The following PINX1 variants were observed in gnomAD, a reference collection of about 807,000 sequenced individuals.
The protein encoded by PINX1 is PIN2/TERF1-interacting telomerase inhibitor 1.
PINX1 carries 34 observed loss-of-function variants against 25.4 expected under a neutral mutation model. The ratio of observed to expected loss-of-function variants is 1.34; its 90% CI spans 1.02 to 1.78. The LOEUF (loss-of-function observed/expected upper bound fraction) is 1.78. Among genes scored for constraint, PINX1 ranks in the 40% most tolerant of loss-of-function variants. The pLI, the probability that PINX1 is intolerant of heterozygous loss-of-function variation, is 0.00. For synonymous variants in PINX1, 197 were observed against 147.7 expected, an observed-to-expected ratio of 1.33 and a Z score of -2.42; for missense variants, 592 against 404.9, an observed-to-expected ratio of 1.46 and a Z score of -3.97.
intron 6 of PINX1, among the ~76,000 whole-genome samples, chr8:10,769,218 T>C (rs1253795949): frequency 6.6e-6 from 1 of 152,184 alleles, no homozygotes; most frequent in South Asian, 2.1e-4. Context: ...ATTCCAATGC[T>C]TGCTGTTCAG....
At chr8:10,776,726 G>C (rs902078741) in intron 6 of PINX1, among the ~76,000 whole-genome samples, 2 of 152,102 alleles carry the variant, frequency 1.3e-5, no homozygotes, top group African/African-American at 4.8e-5. Flanking sequence ...ACGAGGAAGG[G>C]GAAGCAAGGG....
At chr8:10,787,077 C>G (rs991783882) in intron 6 of PINX1, among the ~76,000 whole-genome samples, 1 of 152,016 alleles carries the variant, frequency 6.6e-6, no homozygotes, top group Non-Finnish European at 1.5e-5. Context: ...CCAATTTTTC[C>G]CATGAGCTCT....
At chr8:10,770,058 T>C (rs889180247) in intron 6 of PINX1, among the ~76,000 whole-genome samples, 31 of 152,262 alleles carry the variant, frequency 2.0e-4, no homozygotes, top group African/African-American at 7.0e-4. Flanking sequence ...AAGAGTTTTA[T>C]AATTTATCAA....
Position 10,765,258 on chromosome 8 carries a change from G to T in PINX1, c.*143C>A. The stretch of plus-strand genomic sequence containing the variant: ...TAACTTGGGGGAAATGTGGCGAGAG[G>T]GCAGGACTCGGCAGCCCATGGGCAT... On this transcript the variant is annotated 3_prime_UTR_variant, in exon 7 of 7. Transcript: ENST00000314787. 1.5e-6 allele frequency: 1 copy of T among 669,424 alleles called. No homozygotes were observed. The highest frequency in any genetic ancestry group is 2.3e-5 in the South Asian group (1 of 44,356). The allele number at this position is 669,424 out of a possible 1,614,324, so 41.5% of individuals were successfully genotyped here. A position where few individuals can be genotyped will look rare whatever the true frequency, so the allele number is the denominator to read the frequency against.
chr8:10,784,984 A>G (rs1801701863), intron 6 of PINX1, among the ~76,000 whole-genome samples: 1 of 152,242 alleles, frequency 6.6e-6, no homozygotes, highest in Non-Finnish European at 1.5e-5. Flanking sequence ...TCAGAAAAGA[A>G]TTAACAGAAC....
intron 6 of PINX1, among the ~76,000 whole-genome samples, chr8:10,817,246 T>C (rs1797726238): frequency 6.6e-6 from 1 of 152,146 alleles, no homozygotes; most frequent in Non-Finnish European, 1.5e-5. Context: ...CAGCAACACC[T>C]TGGCCTCTGC....
intron 6 of PINX1, among the ~76,000 whole-genome samples, chr8:10,810,151 C>A (rs891212537): frequency 6.6e-6 from 1 of 152,200 alleles, no homozygotes; most frequent in African/African-American, 2.4e-5. Flanking sequence ...AACACAAACA[C>A]CTCCCACCAG....
At chr8:10,821,677 A>G (rs73208789) in intron 5 of PINX1, among the ~76,000 whole-genome samples, 25,691 of 152,272 alleles carry the variant, frequency 0.17, 2,590 homozygotes, top group Non-Finnish European at 0.23. Context: ...ATGTCCTCAC[A>G]GCTTTGCTGC....
chr8:10,775,986 G>A (rs1801380424), intron 6 of PINX1, among the ~76,000 whole-genome samples: 1 of 152,126 alleles, frequency 6.6e-6, no homozygotes, highest in Non-Finnish European at 1.5e-5. Context: ...CCTTGTAAAA[G>A]CCCCTGGGGA....
At chr8:10,819,827 G>A (rs1262620593) in intron 6 of PINX1, among the ~76,000 whole-genome samples, 2 of 152,134 alleles carry the variant, frequency 1.3e-5, no homozygotes, top group Admixed American at 1.3e-4. Context: ...TCCAAGTGGA[G>A]TAATGCAGTT....
chr8:10,787,510 G>A (rs1367804559), intron 6 of PINX1: 2 of 201,524 alleles, frequency 9.9e-6, no homozygotes, highest in African/African-American at 4.7e-5. Context: ...ACAGGCGTGA[G>A]CTACCATGCT....
At chr8:10,800,507 T>C (rs942440340) in intron 6 of PINX1, among the ~76,000 whole-genome samples, 13 of 152,010 alleles carry the variant, frequency 8.6e-5, no homozygotes, top group African/African-American at 3.1e-4. Flanking sequence ...TCTCACTCTG[T>C]TGCCCAGGCT....
chr8:10,804,003 A>G (rs1227298602), intron 6 of PINX1, among the ~76,000 whole-genome samples: 5 of 143,082 alleles, frequency 3.5e-5, no homozygotes, highest in African/African-American at 1.3e-4. Context: ...TAACTATACC[A>G]ACGAACTCAT....
rs1464324075 is a variant in PINX1, at chr8:10,825,495, C to T, written c.394+657G>A. 5.6e-6 allele frequency: 3 copies of T among 532,298 alleles called. No homozygotes were observed. In the African/African-American group the frequency reaches 5.8e-5, roughly 10 times the overall value. The allele number at this position is 532,298 out of a possible 1,614,324, so 33.0% of individuals were successfully genotyped here. A position where few individuals can be genotyped will look rare whatever the true frequency, so the allele number is the denominator to read the frequency against. On this transcript the variant is annotated intron_variant, in intron 5 of 6. Coordinates refer to ENST00000314787, the MANE Select transcript of PINX1 (RefSeq NM_017884.6). The stretch of plus-strand genomic sequence containing the variant: ...TTCTATTAGGTTAAATTGCTTCTTT[C>T]CAATGCAAGATCGCCACCTAGTGGC...
At chr8:10,792,897 T>C (rs1392618256) in intron 6 of PINX1, among the ~76,000 whole-genome samples, 1 of 152,200 alleles carries the variant, frequency 6.6e-6, no homozygotes, top group Non-Finnish European at 1.5e-5. Context: ...TTATCTGAGA[T>C]GCCCCCTTAC....
intron 6 of PINX1, among the ~76,000 whole-genome samples, chr8:10,794,722 T>C (rs1453371313): frequency 2.6e-5 from 4 of 152,186 alleles, no homozygotes; most frequent in Non-Finnish European, 4.4e-5. Flanking sequence ...GCCACTGCGC[T>C]CAGCTGCTGT....
At chr8:10,783,617 G>A (rs774107147) in intron 6 of PINX1, among the ~76,000 whole-genome samples, 4 of 152,182 alleles carry the variant, frequency 2.6e-5, no homozygotes, top group Admixed American at 6.5e-5. Flanking sequence ...CCAGTTGACT[G>A]TGAATGTCCC....
intron 6 of PINX1, among the ~76,000 whole-genome samples, chr8:10,811,958 G>A (rs943129809): frequency 6.6e-6 from 1 of 152,186 alleles, no homozygotes; most frequent in South Asian, 2.1e-4. Flanking sequence ...CATGTGGAAT[G>A]AGAGGTATCA....
Position 10,832,913 on chromosome 8 carries a change from G to T in PINX1, c.201C>A (p.Leu67=). 1 of 1,609,902 alleles carries T rather than the reference G, an allele frequency of 6.2e-7. No individual in the cohort carries two copies. Residue 67 remains leucine (L), a synonymous_variant, in exon 3 of 7, where the codon CTC becomes CTA. Transcript: ENST00000314787. The part of the protein sequence containing the change: ...KVQVKNNHLG[L]GATINNEDNW... Reference sequence around the variant, plus strand: ...TCACTTCATTATTGATGGTAGCTCCGAGTCCCAGGTGGTTATTTTTCACTT... The same window carrying T: ...TCACTTCATTATTGATGGTAGCTCCTAGTCCCAGGTGGTTATTTTTCACTT...
Sources: allele counts gnomAD v4.1 joint callset (sites outside exome capture counted in the v4.1 genomes callset), GRCh38; gene constraint gnomAD v4.1.1; transcripts MANE v1.5; gene names NCBI Gene and HGNC (gene_info 2026-07-23, HGNC 2026-07-21).